Variants in ADAMTS20 observed in about 807,000 individuals in gnomAD.
The protein encoded by ADAMTS20 is ADAM metallopeptidase with thrombospondin type 1 motif 20, also known as A disintegrin and metalloproteinase with thrombospondin motifs 20.
A neutral mutation model predicts 260.1 loss-of-function variants in ADAMTS20; 225 were observed. That is an observed-to-expected ratio of 0.87 (90% CI 0.78 to 0.97). The LOEUF is 0.97. Ranked by LOEUF, ADAMTS20 falls within the 50% of genes least tolerant of loss-of-function variation. The pLI is 0.00. For missense variants in ADAMTS20, 2,400 were observed against 2,337.7 expected (o/e 1.03, Z -0.55); for synonymous variants, 802 against 769.5 (o/e 1.04, Z -0.70).
At chr12:43,503,614 G>C (rs971641662) in intron 3 of ADAMTS20, among the ~76,000 whole-genome samples, 2 of 151,656 alleles carry the variant, frequency 1.3e-5, no homozygotes, top group African/African-American at 4.8e-5. Flanking sequence ...GGTTTGTTCT[G>C]CAGGTAAACT....
intron 29 of ADAMTS20, among the ~76,000 whole-genome samples, chr12:43,394,630 C>A (rs547229482): frequency 1.3e-5 from 2 of 152,260 alleles, no homozygotes; most frequent in South Asian, 4.1e-4. Flanking sequence ...TACACTATTA[C>A]ATGCAGTGCA....
rs2137300962 is a variant in ADAMTS20, at chr12:43,428,400, G to A, written c.3786C>T (p.Ala1262=). ...PLMEQECSLA[A]CPPAHSHFPS... ...GAAAGTGGCTGTGTGCAGGAGGGCAGGCTGCCAGGCTACATTCCTGTTCCA... is the reference window on the plus strand; with the variant it reads ...GAAAGTGGCTGTGTGCAGGAGGGCAAGCTGCCAGGCTACATTCCTGTTCCA... Residue 1262 remains alanine (A), a synonymous_variant, in exon 26 of 39, where the codon GCC becomes GCT. Coordinates refer to ENST00000389420, the MANE Select transcript of ADAMTS20 (RefSeq NM_025003.5). The A allele has an allele frequency of 6.2e-7, 1 of 1,613,850 alleles. No homozygotes were observed. Among genetic ancestry groups the A allele is most frequent in the Non-Finnish European group, 8.5e-7 (1 of 1,179,866 alleles).
chr12:43,520,185 A>T (rs275372), intron 3 of ADAMTS20, among the ~76,000 whole-genome samples: 1,736 of 152,270 alleles, frequency 0.011, 18 homozygotes, highest in South Asian at 0.024. Flanking sequence ...GCTTAACTGT[A>T]CTGAATCTAA....
chr12:43,359,723 T>A (rs948339359), intron 37 of ADAMTS20, among the ~76,000 whole-genome samples: 2 of 152,148 alleles, frequency 1.3e-5, no homozygotes, highest in African/African-American at 4.8e-5. Context: ...GGCAAATAAG[T>A]GGAGAAAACA....
chr12:43,384,096 A>T, intron 29 of ADAMTS20, 119 bp from the exon 30 acceptor site: 1 of 939,142 alleles, frequency 1.1e-6, no homozygotes, highest in Non-Finnish European at 1.5e-6. Flanking sequence ...TAAAACATGA[A>T]TTAGATAAAA....
Position 43,548,541 on chromosome 12 carries a change from G to T in ADAMTS20, c.453+2368C>A, listed in dbSNP as rs532552244. On this transcript the variant is annotated intron_variant, in intron 2 of 38. Coordinates refer to ENST00000389420, the MANE Select transcript of ADAMTS20 (RefSeq NM_025003.5). ...TAAAATCTACCAGGTTCTATTATTTGATGAAACTATTAATCCAAAGAAATT... is the reference window on the plus strand; with the variant it reads ...TAAAATCTACCAGGTTCTATTATTTTATGAAACTATTAATCCAAAGAAATT... 3.3e-5 allele frequency among the ~76,000 whole-genome samples: 5 copies of T among 152,238 alleles called. No individual in the cohort carries two copies. The South Asian group carries it at 1.0e-3, about 32-fold the overall frequency.
intron 7 of ADAMTS20, among the ~76,000 whole-genome samples, chr12:43,471,129 G>C (rs1000624946): frequency 6.6e-6 from 1 of 152,100 alleles, no homozygotes; most frequent in Non-Finnish European, 1.5e-5. Flanking sequence ...GTGGGTGCAC[G>C]CACCGTGCGA....
intron 3 of ADAMTS20, among the ~76,000 whole-genome samples, chr12:43,517,654 C>A (rs939368921): frequency 9.9e-5 from 15 of 152,000 alleles, no homozygotes; most frequent in Admixed American, 2.6e-4. Context: ...ATAGATATCT[C>A]TTTTTTTCTT....
Position 43,532,157 on chromosome 12 carries a change from T to G in ADAMTS20, c.492A>C (p.Leu164Phe), listed in dbSNP as rs1329545914. 6.2e-7 allele frequency: 1 copy of G among 1,611,468 alleles called. No homozygotes were observed. Among genetic ancestry groups the G allele is most frequent in the Middle Eastern group, 1.7e-4 (1 of 6,044 alleles). Reference protein sequence around the residue: ...TFKGQNGEYFLEPIMKADGNE... With the variant: ...TFKGQNGEYFFEPIMKADGNE... ...TCCCATCTGCCTTCATTATAGGTTC[T>G]AAGAAATATTCACCGTTCTGTCCTT... Residue 164 changes from leucine to phenylalanine, a missense_variant, in exon 3 of 39, where the codon TTA becomes TTC. By Grantham distance (22) the Leu-to-Phe change is conservative (BLOSUM62 0). Coordinates refer to ENST00000389420, the MANE Select transcript of ADAMTS20 (RefSeq NM_025003.5).
chr12:43,383,837 C>T lies in ADAMTS20; in HGVS notation c.4593G>A (p.Val1531=), dbSNP rs763467092. ...TCCCTCTTTCCATCCCCTTGTGCTG[C>T]ACACAGTCCTGACTCCAACATCGCC... ...SQRRCWSQDC[V]QHKGMERGRL... The change falls in exon 30 of 39, where the codon GTG becomes GTA. Residue 1531 remains valine (V), a synonymous_variant. Transcript: ENST00000389420. 4 of 1,613,946 alleles carry T rather than the reference C, an allele frequency of 2.5e-6. No individual in the cohort carries two copies. In the South Asian group the frequency reaches 4.4e-5, roughly 18 times the overall value.
At chr12:43,513,016 T>A (rs1339043322) in intron 3 of ADAMTS20, among the ~76,000 whole-genome samples, 8 of 151,964 alleles carry the variant, frequency 5.3e-5, no homozygotes, top group Admixed American at 3.9e-4. Flanking sequence ...ATTACAGAGG[T>A]CCTCCTTGCA....
intron 3 of ADAMTS20, among the ~76,000 whole-genome samples, chr12:43,523,800 C>CA: frequency 1.3e-5 from 2 of 152,188 alleles, no homozygotes; most frequent in South Asian, 4.2e-4. Flanking sequence ...GCCGCACACT[C>CA]AGAGAGTCAG....
intron 28 of ADAMTS20, among the ~76,000 whole-genome samples, chr12:43,415,724 C>T (rs1941118193): frequency 6.6e-6 from 1 of 152,136 alleles, no homozygotes; most frequent in South Asian, 2.1e-4. Flanking sequence ...AATACCACAG[C>T]TCTTATTCTT....
chr12:43,487,523 C>T (rs67347064), intron 7 of ADAMTS20, among the ~76,000 whole-genome samples: 30,184 of 151,766 alleles, frequency 0.2, 3,368 homozygotes, highest in Middle Eastern at 0.31. Flanking sequence ...TAAGACTTCA[C>T]CACTATATAA....
intron 35 of ADAMTS20, 74 bp from the exon 36 acceptor site, chr12:43,375,586 A>G: frequency 1.3e-6 from 2 of 1,512,886 alleles, no homozygotes; most frequent in Admixed American, 3.7e-5. Flanking sequence ...TTGGGAGTAG[A>G]AAAATAAAAC....
chr12:43,428,537 C>G lies in ADAMTS20; in HGVS notation c.3655-6G>C, dbSNP rs187650621. On this transcript the variant is annotated splice_polypyrimidine_tract_variant and splice_region_variant and intron_variant, in intron 25 of 38. Transcript: ENST00000389420. ...TGGCCACAGGAAGCTGAACACTGAT[C>G]AAAAATTTAGCCAATGGTAATATAC... is the stretch of plus-strand genomic sequence containing the variant. 1.6e-5 allele frequency: 26 copies of G among 1,605,794 alleles called. No homozygotes were observed. The highest frequency in any genetic ancestry group is 1.7e-6 in the Non-Finnish European group (2 of 1,175,490).
intron 14 of ADAMTS20, among the ~76,000 whole-genome samples, chr12:43,450,433 C>T (rs1349363952): frequency 6.6e-6 from 1 of 152,114 alleles, no homozygotes; most frequent in Non-Finnish European, 1.5e-5. Context: ...TAGCATGCCT[C>T]TATATGTTCA....
chr12:43,488,101 T>G (rs75017214), intron 7 of ADAMTS20, among the ~76,000 whole-genome samples: 3,055 of 152,240 alleles, frequency 0.02, 61 homozygotes, highest in East Asian at 0.1. Flanking sequence ...TGTGTTGTTG[T>G]TTTTAAATCA....
At chr12:43,531,356 C>A (rs1045490083) in intron 3 of ADAMTS20, among the ~76,000 whole-genome samples, 1 of 151,662 alleles carries the variant, frequency 6.6e-6, no homozygotes, top group East Asian at 1.9e-4. Context: ...TTAAATAATA[C>A]TAATGTGACT....
Sources: allele counts gnomAD v4.1 joint callset (sites outside exome capture counted in the v4.1 genomes callset), GRCh38; gene constraint gnomAD v4.1.1; transcripts MANE v1.5; gene names NCBI Gene and HGNC (gene_info 2026-07-23, HGNC 2026-07-21).